GTSF1: variants seen among roughly 807,000 people sequenced by gnomAD.
The protein encoded by GTSF1 is gametocyte-specific factor 1.
A neutral mutation model predicts 28.9 loss-of-function variants in GTSF1; 11 were observed. The ratio of observed to expected loss-of-function variants is 0.38; its 90% confidence interval spans 0.24 to 0.63. The LOEUF is 0.63. Among genes scored for constraint, GTSF1 ranks in the 30% least tolerant of loss-of-function variants. The pLI, the probability that GTSF1 is intolerant of heterozygous loss-of-function variation, is 0.56. For missense variants in GTSF1, 146 were observed against 201.0 expected, an observed-to-expected ratio of 0.73 and a Z score of 1.66; for synonymous variants, 69 against 65.6, an observed-to-expected ratio of 1.05 and a Z score of -0.25.
intron 4 of GTSF1, among the ~76,000 whole-genome samples, 153 bp from the exon 5 acceptor site, chr12:54,462,878 CTT>C (rs1378501710): frequency 2.0e-5 from 3 of 152,130 alleles, no homozygotes; most frequent in Non-Finnish European, 4.4e-5. Context: ...GATCTTATCT[CTT>C]TGCTGACAGA....
At chr12:54,471,171 C>T (rs985552085) in intron 2 of GTSF1, 62 bp downstream of exon 2, 3 of 1,318,334 alleles carry the variant, frequency 2.3e-6, no homozygotes, top group African/African-American at 3.0e-5. Context: ...AAAGTCTTGT[C>T]AGATATAAAA....
At chr12:54,467,566 C>T (rs1219671553) in intron 2 of GTSF1, among the ~76,000 whole-genome samples, 3 of 152,052 alleles carry the variant, frequency 2.0e-5, no homozygotes, top group South Asian at 2.1e-4. Context: ...CCACCTGCCT[C>T]GGCCTCCCCA....
chr12:54,462,197 T>C lies in GTSF1; in HGVS notation c.329-25A>G, dbSNP rs758387526. On this transcript the variant is annotated intron_variant, in intron 5 of 8. Transcript: ENST00000305879. Reference sequence around the variant, plus strand: ...TCTGTTAAAGGAAGCAAAACATAGTTTGTGGTACTACTAGATAAGACACCA... The same window carrying C: ...TCTGTTAAAGGAAGCAAAACATAGTCTGTGGTACTACTAGATAAGACACCA... 7 of 1,559,928 alleles carry C rather than the reference T, an allele frequency of 4.5e-6. No individual in the cohort carries two copies. The Admixed American group carries it at 1.0e-4, about 22-fold the overall frequency.
At chr12:54,469,140 G>A (rs779984275) in intron 2 of GTSF1, among the ~76,000 whole-genome samples, 6 of 152,132 alleles carry the variant, frequency 3.9e-5, no homozygotes, top group African/African-American at 7.2e-5. Context: ...GTGCAGTGGC[G>A]TGATCTTGGT....
At chr12:54,461,979 A>G (rs1956430085) in intron 6 of GTSF1, 130 bp downstream of exon 6, 1 of 634,788 alleles carries the variant, frequency 1.6e-6, no homozygotes, top group Non-Finnish European at 2.8e-6. Context: ...TGCCAAAACA[A>G]TATCTAGACT....
intron 8 of GTSF1, 44 bp from the exon 9 acceptor site, chr12:54,456,197 G>GA (rs1459205856): frequency 6.6e-6 from 1 of 152,162 alleles, no homozygotes; most frequent in African/African-American, 2.4e-5. Flanking sequence ...TTTTTTCAAT[G>GA]AAAAAAGCAC....
chr12:54,470,981 G>T (rs974608859), intron 2 of GTSF1, among the ~76,000 whole-genome samples: 7 of 152,178 alleles, frequency 4.6e-5, no homozygotes, highest in African/African-American at 1.7e-4. Context: ...ATACAAGAAG[G>T]TGAAGTCCTG....
intron 8 of GTSF1, among the ~76,000 whole-genome samples, chr12:54,457,625 G>GCT (rs1315684358): frequency 6.6e-6 from 1 of 152,080 alleles, no homozygotes; most frequent in Non-Finnish European, 1.5e-5. Flanking sequence ...TGTTGCTAAG[G>GCT]CTAGAGTACA....
At chr12:54,464,915 A>T in intron 3 of GTSF1, 152 bp downstream of exon 3, 1 of 506,804 alleles carries the variant, frequency 2.0e-6, no homozygotes, top group Non-Finnish European at 3.5e-6. Flanking sequence ...GAATGAACAA[A>T]TGCCTTTCTA....
At chr12:54,472,316 C>G (rs1396432972) in intron 1 of GTSF1, 2 of 152,320 alleles carry the variant, frequency 1.3e-5, no homozygotes, top group Non-Finnish European at 2.9e-5. Context: ...GGTTTCACCT[C>G]CTCTCATCCC....
At chr12:54,460,300 A>T in intron 7 of GTSF1, 77 bp downstream of exon 7, 1 of 1,073,848 alleles carries the variant, frequency 9.3e-7, no homozygotes, top group South Asian at 1.3e-5. Flanking sequence ...TTCAGACTGA[A>T]CACATCTGAA....
At chr12:54,462,265 C>A (rs541697275) in intron 5 of GTSF1, 93 bp from the exon 6 acceptor site, 58 of 900,834 alleles carry the variant, frequency 6.4e-5, no homozygotes, top group Non-Finnish European at 1.0e-4. Context: ...AAATAATACA[C>A]CTAAGTTTTG....
intron 7 of GTSF1, chr12:54,459,387 TG>T: frequency 7.2e-7 from 1 of 1,392,870 alleles, no homozygotes; most frequent in Non-Finnish European, 9.4e-7. Flanking sequence ...CGTTTTAAAG[TG>T]AATCCTCTAG....
In GTSF1 at chr12:54,465,751, TG is replaced by T. The variant is rs372857850; in HGVS notation, c.17-585del. 1.6e-3 allele frequency among the ~76,000 whole-genome samples: 238 copies of T among 152,268 alleles called. 6 individuals are homozygous for T. In the East Asian group the frequency reaches 0.026, roughly 17 times the overall value. On this transcript the variant is annotated intron_variant, in intron 2 of 8. Coordinates refer to ENST00000305879, the MANE Select transcript of GTSF1 (RefSeq NM_144594.3). ...TAGTATCCTGTGACATGAAAAAAGT[TG>T]GTAAGCACTGCCCTATATCAGTTAT...
At chr12:54,456,937 T>C (rs903092997) in intron 8 of GTSF1, among the ~76,000 whole-genome samples, 1 of 152,068 alleles carries the variant, frequency 6.6e-6, no homozygotes, top group Admixed American at 6.5e-5. Flanking sequence ...ATACAAAAAT[T>C]AGCCGGGCGT....
chr12:54,470,666 T>C (rs574744222), intron 2 of GTSF1, among the ~76,000 whole-genome samples: 28 of 152,312 alleles, frequency 1.8e-4, no homozygotes, highest in African/African-American at 6.5e-4. Context: ...GGGTACTAGG[T>C]ATAAACAATA....
At chr12:54,464,288 C>T (rs1956473757) in intron 3 of GTSF1, among the ~76,000 whole-genome samples, 1 of 152,112 alleles carries the variant, frequency 6.6e-6, no homozygotes, top group African/African-American at 2.4e-5. Flanking sequence ...TCTGCTGATC[C>T]ATACTGTCCA....
intron 5 of GTSF1, 31 bp downstream of exon 5, chr12:54,462,611 T>C (rs1329407637): frequency 6.5e-7 from 1 of 1,543,952 alleles, no homozygotes; most frequent in Non-Finnish European, 8.9e-7. Flanking sequence ...GATTTAGACA[T>C]TGTGAAGAAA....
intron 6 of GTSF1, among the ~76,000 whole-genome samples, 193 bp downstream of exon 6, chr12:54,461,916 T>C (rs1217625450): frequency 6.6e-6 from 1 of 152,232 alleles, no homozygotes; most frequent in Non-Finnish European, 1.5e-5. Flanking sequence ...GTATCCCTTA[T>C]GATTGGCACA....
Sources: gnomAD v4.1 joint callset for allele counts (sites outside exome capture counted in the v4.1 genomes callset) on GRCh38, gnomAD v4.1.1 for gene constraint, MANE v1.5 for transcripts, NCBI Gene and HGNC (gene_info 2026-07-23, HGNC 2026-07-21) for gene names.